Variants in EYS observed in about 807,000 individuals in gnomAD.
EYS encodes EGF-like photoreceptor maintenance factor.
EYS carries 250 observed loss-of-function variants against 282.1 expected under a neutral mutation model. The ratio of observed to expected loss-of-function variants is 0.89; its 90% CI spans 0.80 to 0.98. The LOEUF (loss-of-function observed/expected upper bound fraction) is 0.98. Ranked by LOEUF, EYS falls within the 50% of genes least tolerant of loss-of-function variation. EYS has a pLI of 0.00. For missense variants in EYS, 4,016 were observed against 3,709.0 expected (o/e 1.08, Z -2.15); for synonymous variants, 1,355 against 1,282.9 (o/e 1.06, Z -1.20).
chr6:65,509,525 T>C (rs1766786034), intron 2 of EYS, among the ~76,000 whole-genome samples: 1 of 152,222 alleles, frequency 6.6e-6, no homozygotes, highest in South Asian at 2.1e-4. Context: ...GTAAAATAAC[T>C]GTTCAAACAT....
rs141434369 is a variant in EYS at position 64,936,255 on chromosome 6, C to CAA, written c.2381+9536_2381+9537dup. Reference sequence around the variant, plus strand: ...TCAACACATTTTATAAAAAACAAAACAAAAAAAACACTCAACAAACCAGAA... The same window carrying CAA: ...TCAACACATTTTATAAAAAACAAAACAAAAAAAAAACACTCAACAAACCAGAA... On this transcript the variant is annotated intron_variant, in intron 15 of 42. Transcript: ENST00000503581. Among the ~76,000 whole-genome samples the CAA allele has an allele frequency of 1.1e-4, 16 of 150,860 alleles. 1 individual carries two copies. Among genetic ancestry groups the CAA allele is most frequent in the African/African-American group, 3.9e-4 (16 of 41,250 alleles).
At chr6:64,336,360 A>C (rs548734598) in intron 29 of EYS, among the ~76,000 whole-genome samples, 59 of 152,218 alleles carry the variant, frequency 3.9e-4, no homozygotes, top group African/African-American at 1.3e-3. Context: ...AACTTCAAAG[A>C]AACAGCAGTT....
chr6:65,199,501 C>T lies in EYS; in HGVS notation c.2023+96362G>A, dbSNP rs549477364. ...ATTTAAAAATAAAACCCAAACTGAC[C>T]GAGGTCTCAGACTTTAAAGCAGCGT... On this transcript the variant is annotated intron_variant, in intron 12 of 42. Transcript: ENST00000503581. Among the ~76,000 whole-genome samples the T allele has an allele frequency of 2.6e-5, 4 of 152,170 alleles. No homozygotes were observed. The South Asian group carries it at 6.2e-4, about 24-fold the overall frequency.
Position 63,762,512 on chromosome 6 carries a change from C to A in EYS, c.8020G>T (p.Gly2674Ter), listed in dbSNP as rs1487547179. ...CCTAGAGGACAGAAACAGGTGTATC[C>A]ATGAGGTAATGAAATGCAGGTTGCT... ...RGATCISLPH[G>*]YTCFCPLGTT... Residue 2674 changes from glycine to a stop codon, truncating the protein, a stop_gained, in exon 41 of 43, where the codon GGA (glycine) becomes TGA (stop). Coordinates refer to ENST00000503581, the MANE Select transcript of EYS (RefSeq NM_001142800.2). LOFTEE classifies it high-confidence loss of function. The A allele has an allele frequency of 6.5e-7, 1 of 1,550,142 alleles. No individual in the cohort carries two copies. The highest frequency in any genetic ancestry group is 8.7e-7 in the Non-Finnish European group (1 of 1,146,068).
At chr6:64,393,684 G>C (rs551085673) in intron 28 of EYS, among the ~76,000 whole-genome samples, 1 of 151,152 alleles carries the variant, frequency 6.6e-6, no homozygotes, top group East Asian at 1.9e-4. Context: ...CATACTGAAT[G>C]GGCAAAAACT....
At chr6:65,497,900 T>C (rs1766311077) in intron 2 of EYS, among the ~76,000 whole-genome samples, 1 of 152,060 alleles carries the variant, frequency 6.6e-6, no homozygotes, top group South Asian at 2.1e-4. Context: ...TTAATAGCAT[T>C]AGTCTAGTTT....
chr6:65,642,531 TTA>T (rs1767311376), intron 1 of EYS, among the ~76,000 whole-genome samples: 1 of 95,750 alleles, frequency 1.0e-5, no homozygotes, highest in African/African-American at 2.8e-5. Flanking sequence ...GCCAATCATT[TTA>T]TTTTTTTTTA....
intron 5 of EYS, among the ~76,000 whole-genome samples, chr6:65,440,666 T>A (rs1423637528): frequency 1.3e-5 from 2 of 150,168 alleles, no homozygotes. Context: ...GTAAAGCTAA[T>A]TTTTTTTGTA....
intron 26 of EYS, among the ~76,000 whole-genome samples, chr6:64,537,923 T>G (rs984836296): frequency 6.6e-6 from 1 of 152,206 alleles, no homozygotes; most frequent in African/African-American, 2.4e-5. Flanking sequence ...AGGAATAGAT[T>G]TTTTACTGGG....
At chr6:64,495,037 G>T (rs558592266) in intron 26 of EYS, among the ~76,000 whole-genome samples, 6 of 151,554 alleles carry the variant, frequency 4.0e-5, no homozygotes, top group African/African-American at 1.2e-4. Context: ...TGATATGTAA[G>T]ATTATTATTA....
At chr6:65,506,237 A>T (rs1766648497) in intron 2 of EYS, among the ~76,000 whole-genome samples, 1 of 151,976 alleles carries the variant, frequency 6.6e-6, no homozygotes, top group South Asian at 2.1e-4. Flanking sequence ...CGTTTCTTGT[A>T]AATAGATTAT....
chr6:65,346,792 A>G (rs1281052355), intron 9 of EYS, among the ~76,000 whole-genome samples: 1 of 151,822 alleles, frequency 6.6e-6, no homozygotes, highest in African/African-American at 2.4e-5. Flanking sequence ...GTGAAATTTC[A>G]GAACACTGAG....
At chr6:65,182,046 CG>C (rs2150234085) in intron 12 of EYS, among the ~76,000 whole-genome samples, 1 of 151,362 alleles carries the variant, frequency 6.6e-6, no homozygotes, top group South Asian at 2.1e-4. Flanking sequence ...CATCACACAC[CG>C]GGGCCTGTTT....
intron 28 of EYS, among the ~76,000 whole-genome samples, chr6:64,425,539 A>G (rs1774375527): frequency 6.6e-6 from 1 of 151,954 alleles, no homozygotes; most frequent in Non-Finnish European, 1.5e-5. Context: ...CTGTAATCCC[A>G]GCTACTTGAG....
At chr6:64,364,302 G>A (rs1229715795) in intron 29 of EYS, among the ~76,000 whole-genome samples, 10 of 151,714 alleles carry the variant, frequency 6.6e-5, no homozygotes, top group Non-Finnish European at 1.3e-4. Flanking sequence ...TTTACTCTTA[G>A]TTTTCTATAA....
In EYS at chr6:64,387,918, G is replaced by A. The variant is rs1772966740; in HGVS notation, c.6078+772C>T. Among the ~76,000 whole-genome samples, 4 of 152,102 alleles carry A rather than the reference G, an allele frequency of 2.6e-5. No homozygotes were observed. The South Asian group carries it at 8.3e-4, about 32-fold the overall frequency. The stretch of plus-strand genomic sequence containing the variant: ...GGAGTCATGATATTTACAGTAACTA[G>A]ATGTATGTATACCAATTTGCATTAT... On this transcript the variant is annotated intron_variant, in intron 29 of 42. Coordinates refer to ENST00000503581, the MANE Select transcript of EYS (RefSeq NM_001142800.2).
rs189345597 is a variant in EYS at position 65,471,270 on chromosome 6, G to A, written c.862+19324C>T. 8.6e-4 allele frequency among the ~76,000 whole-genome samples: 129 copies of A among 150,452 alleles called. 2 individuals are homozygous for A. The highest frequency in any genetic ancestry group is 2.5e-3 in the African/African-American group (104 of 40,948). On this transcript the variant is annotated intron_variant, in intron 5 of 42. Coordinates refer to ENST00000503581, the MANE Select transcript of EYS (RefSeq NM_001142800.2). ...AAAAAATTGTCAGATTTGTTAGGGT[G>A]CCTGTGGTCCCAGCTACTCAATGGC...
chr6:64,960,968 C>G (rs569064225), intron 14 of EYS, among the ~76,000 whole-genome samples: 4 of 152,226 alleles, frequency 2.6e-5, no homozygotes, highest in African/African-American at 9.6e-5. Flanking sequence ...CCATCCATAT[C>G]CCTGCAAAGA....
intron 7 of EYS, among the ~76,000 whole-genome samples, chr6:65,400,841 C>G (rs1471005000): frequency 6.6e-6 from 1 of 151,742 alleles, no homozygotes; most frequent in Non-Finnish European, 1.5e-5. Flanking sequence ...CTCCCAAATT[C>G]AGAAGAGTAA....
Sources: allele counts gnomAD v4.1 joint callset (sites outside exome capture counted in the v4.1 genomes callset), GRCh38; gene constraint gnomAD v4.1.1; transcripts MANE v1.5; gene names NCBI Gene and HGNC (gene_info 2026-07-23, HGNC 2026-07-21).